Variants in GRTP1 observed in about 807,000 individuals in gnomAD.
GRTP1 encodes the protein growth hormone regulated TBC protein 1.
In GRTP1, 56 loss-of-function variants were observed where a neutral mutation model predicts 38.1. That is an observed-to-expected ratio of 1.47 (90% CI 1.19 to 1.84). The LOEUF is 1.84. Among genes scored for constraint, GRTP1 ranks in the 40% most tolerant of loss-of-function variants. The probability of loss-of-function intolerance (pLI) is 0.00; values close to 1 mark genes in which losing one functional copy is unlikely to be tolerated. For missense variants in GRTP1, 506 were observed against 453.9 expected (o/e 1.11, Z -1.04); for synonymous variants, 217 against 189.5 (o/e 1.14, Z -1.19).
chr13:113,339,159 C>A (rs183395938), intron 5 of GRTP1, among the ~76,000 whole-genome samples: 1 of 152,236 alleles, frequency 6.6e-6, no homozygotes, highest in Non-Finnish European at 1.5e-5. Flanking sequence ...GGTGATCCAC[C>A]CACCTCAGCC....
intron 5 of GRTP1, among the ~76,000 whole-genome samples, chr13:113,326,906 G>A (rs892189107): frequency 9.2e-5 from 14 of 152,188 alleles, no homozygotes; most frequent in African/African-American, 1.7e-4. Flanking sequence ...TGACAGGACC[G>A]AGTTCAGTCT....
intron 2 of GRTP1, 47 bp from the exon 3 acceptor site, chr13:113,355,528 G>A (rs1176589408): frequency 3.9e-6 from 6 of 1,542,688 alleles, no homozygotes; most frequent in Non-Finnish European, 5.3e-6. Flanking sequence ...CCAGGGGCCT[G>A]CGGGGCCCAC....
chr13:113,363,715 C>T (rs1409672534), intron 2 of GRTP1, 47 bp downstream of exon 2: 1 of 1,412,918 alleles, frequency 7.1e-7, no homozygotes, highest in Non-Finnish European at 9.6e-7. Context: ...CCGTCCCAGC[C>T]CAACCCACCT....
rs2043079507 is a variant in GRTP1, at chr13:113,344,970, A to G, written c.466-11T>C. ...TATAAAATTCATTCCCTGAAATTAGAAAAATGAGAAACAAATTCACATTGA... is the reference window on the plus strand; with the variant it reads ...TATAAAATTCATTCCCTGAAATTAGGAAAATGAGAAACAAATTCACATTGA... On this transcript the variant is annotated splice_polypyrimidine_tract_variant and intron_variant, in intron 4 of 7. Coordinates refer to ENST00000375431, the MANE Select transcript of GRTP1 (RefSeq NM_024719.4). The G allele has an allele frequency of 6.3e-7, 1 of 1,587,996 alleles. No individual in the cohort carries two copies. Among genetic ancestry groups the G allele is most frequent in the African/African-American group, 1.4e-5 (1 of 73,864 alleles).
intron 4 of GRTP1, among the ~76,000 whole-genome samples, chr13:113,347,393 C>CGGGAGGACCTCTGTGGCTGAGCGGATCT (rs2043168948): frequency 1.2e-5 from 1 of 86,914 alleles, no homozygotes; most frequent in Non-Finnish European, 2.4e-5. Context: ...AGAGCAGACC[C>CGGGAGGACCTCTGTGGCTGAGCGGATCT]GGGAGGACCT....
chr13:113,325,920 T>C lies in GRTP1; in HGVS notation c.734A>G (p.Glu245Gly). ...CCAGGGCCCGAGTGAGGCGCTCACC[T>C]CCACGGGCAAGATGTCCACAAACAG... is the stretch of plus-strand genomic sequence containing the variant. ...ICLFVDILPV[E>G]TVLRIWDCLF... The change falls in exon 6 of 8, where the codon GAG (glutamate) becomes GGG (glycine). Residue 245 changes from glutamate to glycine, a missense_variant and splice_region_variant. Transcript: ENST00000375431. 2.5e-6 allele frequency: 4 copies of C among 1,613,408 alleles called. No homozygotes were observed. Among genetic ancestry groups the C allele is most frequent in the Non-Finnish European group, 3.4e-6 (4 of 1,179,836 alleles).
rs553907428 is a variant in GRTP1, at chr13:113,348,189, A to G, written c.465+2660T>C. 3.6e-3 allele frequency among the ~76,000 whole-genome samples: 542 copies of G among 152,300 alleles called. 1 individual carries two copies. Among genetic ancestry groups the G allele is most frequent in the Middle Eastern group, 0.017 (5 of 294 alleles). ...GAAAAAGCAGAACATAGCCAGGCAC[A>G]GTGGGGGATCCCAGCACTGTGAGAG... On this transcript the variant is annotated intron_variant, in intron 4 of 7. Transcript: ENST00000375431. This position sits in a 1 kb window ranked among gnomAD's most constrained non-coding sequence, Gnocchi z 4.8.
chr13:113,324,745 C>T (rs1446750948), intron 7 of GRTP1, 168 bp from the exon 8 acceptor site: 22 of 1,407,234 alleles, frequency 1.6e-5, no homozygotes, highest in Non-Finnish European at 1.9e-5. Context: ...CACTCCTGCC[C>T]TGGGGCCTAG....
In GRTP1 at chr13:113,345,960, A is replaced by AGCCGAG. The variant is rs2043099262; in HGVS notation, c.466-1002_466-1001insCTCGGC. On this transcript the variant is annotated intron_variant, in intron 4 of 7. Transcript: ENST00000375431. Reference sequence around the variant, plus strand: ...ATGCTGGGAAGACCTCTGTGGCCAAAAGCAGACCCAGGAGGACTTTTGTGG... The same window carrying AGCCGAG: ...ATGCTGGGAAGACCTCTGTGGCCAAAGCCGAGAGCAGACCCAGGAGGACTTTTGTGG... Among the ~76,000 whole-genome samples the AGCCGAG allele has an allele frequency of 2.0e-5, 3 of 149,622 alleles. No individual in the cohort carries two copies. The South Asian group carries it at 6.5e-4, about 33-fold the overall frequency.
rs1208559689 is a variant in GRTP1, at chr13:113,342,483, C to T, written c.562+2380G>A. ...TTGTGCCACTGCACTCCAGCCTGGG[C>T]GACAGAGCGAGACTCAGTCTCAAAA... On this transcript the variant is annotated intron_variant, in intron 5 of 7. Coordinates refer to ENST00000375431, the MANE Select transcript of GRTP1 (RefSeq NM_024719.4). This position sits in a 1 kb window ranked among gnomAD's most constrained non-coding sequence, Gnocchi z 4.5. 1.3e-5 allele frequency among the ~76,000 whole-genome samples: 2 copies of T among 151,092 alleles called. No homozygotes were observed. Among genetic ancestry groups the T allele is most frequent in the African/African-American group, 2.4e-5 (1 of 41,044 alleles).
intron 5 of GRTP1, 32 bp downstream of exon 5, chr13:113,344,831 G>C (rs1157103827): frequency 6.3e-7 from 1 of 1,578,548 alleles, no homozygotes; most frequent in Admixed American, 1.9e-5. Context: ...AAACAGGACA[G>C]TTCGGGCATA....
At chr13:113,361,210 TAAAAAAA>T (rs60140159) in intron 2 of GRTP1, among the ~76,000 whole-genome samples, 206 of 125,286 alleles carry the variant, frequency 1.6e-3, no homozygotes, top group Middle Eastern at 4.0e-3. Context: ...AGACCAATGC[TAAAAAAA>T]AAAAAAAAAA....
intron 5 of GRTP1, among the ~76,000 whole-genome samples, chr13:113,344,605 T>A (rs2043071408): frequency 6.9e-6 from 1 of 145,492 alleles, no homozygotes; most frequent in Non-Finnish European, 1.5e-5. Flanking sequence ...CCCAGCTACT[T>A]GGGAGGCTGA....
chr13:113,350,605 C>G (rs926673006), intron 4 of GRTP1, among the ~76,000 whole-genome samples: 4 of 152,074 alleles, frequency 2.6e-5, no homozygotes, highest in Non-Finnish European at 5.9e-5. Flanking sequence ...ACGCACCCCA[C>G]AGCACTCGCC....
Position 113,324,463 on chromosome 13 carries a change from C to A in GRTP1, c.*25G>T. 6.3e-7 allele frequency: 1 copy of A among 1,580,816 alleles called. No homozygotes were observed. The highest frequency in any genetic ancestry group is 1.2e-5 in the South Asian group (1 of 86,322). On this transcript the variant is annotated 3_prime_UTR_variant, in exon 8 of 8. Coordinates refer to ENST00000375431, the MANE Select transcript of GRTP1 (RefSeq NM_024719.4). ...GAAAGGGGCATCGTCAGTGTAGAGA[C>A]GAGCAACGCAGGGGACAGGCACGCT...
intron 4 of GRTP1, among the ~76,000 whole-genome samples, chr13:113,347,699 TCTGTGGCA>T (rs2043185301): frequency 2.0e-5 from 2 of 101,082 alleles, no homozygotes; most frequent in Non-Finnish European, 4.1e-5. Context: ...CGGGAGGACC[TCTGTGGCA>T]GAGAGCAGAC....
intron 2 of GRTP1, among the ~76,000 whole-genome samples, chr13:113,361,075 C>T (rs904802140): frequency 3.5e-5 from 5 of 143,530 alleles, no homozygotes; most frequent in Non-Finnish European, 4.5e-5. Context: ...GCGCCACTAC[C>T]CTCCAGCCAG....
At chr13:113,350,070 C>G (rs1259444660) in intron 4 of GRTP1, among the ~76,000 whole-genome samples, 1 of 152,124 alleles carries the variant, frequency 6.6e-6, no homozygotes, top group Non-Finnish European at 1.5e-5. Context: ...GTGCGCACAC[C>G]TGGAAACCCT....
At chr13:113,340,438 C>T (rs1465901264) in intron 5 of GRTP1, among the ~76,000 whole-genome samples, 2 of 151,906 alleles carry the variant, frequency 1.3e-5, no homozygotes, top group Non-Finnish European at 2.9e-5. Context: ...ATGATCACAC[C>T]ACTGCACTCC....
Sources: allele counts gnomAD v4.1 joint callset (sites outside exome capture counted in the v4.1 genomes callset), GRCh38; gene constraint gnomAD v4.1.1; non-coding constraint Gnocchi (gnomAD v3.1); transcripts MANE v1.5; gene names NCBI Gene and HGNC (gene_info 2026-07-23, HGNC 2026-07-21).